The following KCNH7 variants were observed in gnomAD, a reference collection of about 807,000 sequenced individuals.
KCNH7 encodes the protein voltage-gated inwardly rectifying potassium channel KCNH7.
KCNH7 carries 49 observed loss-of-function variants against 120.8 expected under a neutral mutation model. The observed-to-expected ratio is 0.41, with a 90% CI of 0.32 to 0.51. KCNH7 has a LOEUF of 0.51. Ranked by LOEUF, KCNH7 falls within the 20% of genes least tolerant of loss-of-function variation. The pLI, the probability that KCNH7 is intolerant of heterozygous loss-of-function variation, is 0.38. For missense variants in KCNH7, 1,097 were observed against 1,446.6 expected, an observed-to-expected ratio of 0.76 and a Z score of 3.92; for synonymous variants, 547 against 516.1, an observed-to-expected ratio of 1.06 and a Z score of -0.81.
At chr2:162,819,603 A>T (rs1685033408) in intron 2 of KCNH7, among the ~76,000 whole-genome samples, 1 of 152,208 alleles carries the variant, frequency 6.6e-6, no homozygotes, top group Non-Finnish European at 1.5e-5. Flanking sequence ...GTAATTTAGG[A>T]AGAACCATGC....
intron 2 of KCNH7, among the ~76,000 whole-genome samples, chr2:162,740,940 G>T (rs1447796844): frequency 6.6e-6 from 1 of 152,098 alleles, no homozygotes; most frequent in Non-Finnish European, 1.5e-5. Flanking sequence ...CTCTATGTGG[G>T]TTTGTTGTCA....
chr2:162,472,068 A>C (rs1689558355), intron 6 of KCNH7, among the ~76,000 whole-genome samples: 1 of 152,184 alleles, frequency 6.6e-6, no homozygotes, highest in Non-Finnish European at 1.5e-5. Context: ...CCTTCCTTAC[A>C]CCTTATACAA....
At chr2:162,596,151 C>T (rs1694372125) in intron 2 of KCNH7, among the ~76,000 whole-genome samples, 1 of 151,928 alleles carries the variant, frequency 6.6e-6, no homozygotes, top group African/African-American at 2.4e-5. Flanking sequence ...TCTATAGATT[C>T]AATGCAACCC....
chr2:162,725,423 A>C (rs1451951641), intron 2 of KCNH7, among the ~76,000 whole-genome samples: 1 of 152,156 alleles, frequency 6.6e-6, no homozygotes, highest in Non-Finnish European at 1.5e-5. Context: ...AATTATAACC[A>C]AAAATCTTTA....
Position 162,525,507 on chromosome 2 carries a change from G to A in KCNH7, c.464-7349C>T, listed in dbSNP as rs575879934. On this transcript the variant is annotated intron_variant, in intron 3 of 15. Transcript: ENST00000332142. ...TTAGGGTTAAAATCTCTCAGTGAGA[G>A]GGGATTGGGAATGAAAGCAAACACA... is the stretch of plus-strand genomic sequence containing the variant. Among the ~76,000 whole-genome samples, 6 of 152,052 alleles carry A rather than the reference G, an allele frequency of 3.9e-5. No homozygotes were observed. In the East Asian group the frequency reaches 1.2e-3, roughly 30 times the overall value.
rs993342419 is a variant in KCNH7, at chr2:162,435,093, C to A, written c.1954+105G>T. 5 of 1,088,140 alleles carry A rather than the reference C, an allele frequency of 4.6e-6. No individual in the cohort carries two copies. In the African/African-American group the frequency reaches 8.0e-5, roughly 18 times the overall value. The allele number at this position is 1,088,140 out of a possible 1,614,324, so 67.4% of individuals were successfully genotyped here. A position where few individuals can be genotyped will look rare whatever the true frequency, so the allele number is the denominator to read the frequency against. ...CATATATGTAATCCCATTATCTCCT[C>A]AATTTTCTGTAATCTTTTTCTTTGC... On this transcript the variant is annotated intron_variant, in intron 8 of 15. Coordinates refer to ENST00000332142, the MANE Select transcript of KCNH7 (RefSeq NM_033272.4).
intron 2 of KCNH7, among the ~76,000 whole-genome samples, chr2:162,722,693 CCTTT>C (rs1449874773): frequency 4.6e-5 from 7 of 151,654 alleles, no homozygotes; most frequent in East Asian, 3.9e-4. Context: ...AGTTTTTGGC[CCTTT>C]CTTTCGCTTA....
At chr2:162,385,397 C>T (rs1362894647) in intron 12 of KCNH7, among the ~76,000 whole-genome samples, 2 of 151,916 alleles carry the variant, frequency 1.3e-5, no homozygotes, top group African/African-American at 2.4e-5. Flanking sequence ...TTGGAAGCCT[C>T]CTTGTAGTAA....
At chr2:162,460,212 T>C (rs1328784966) in intron 6 of KCNH7, among the ~76,000 whole-genome samples, 1 of 150,236 alleles carries the variant, frequency 6.7e-6, no homozygotes, top group African/African-American at 2.5e-5. Flanking sequence ...CAAAGGGAAA[T>C]GGGAGGAATG....
chr2:162,779,497 C>T (rs911914207), intron 2 of KCNH7, among the ~76,000 whole-genome samples: 1 of 152,146 alleles, frequency 6.6e-6, no homozygotes, highest in African/African-American at 2.4e-5. Flanking sequence ...CCATGTCCAG[C>T]CCTTAAAAAT....
At chr2:162,468,986 G>C (rs1689402449) in intron 6 of KCNH7, among the ~76,000 whole-genome samples, 1 of 152,022 alleles carries the variant, frequency 6.6e-6, no homozygotes, top group South Asian at 2.1e-4. Flanking sequence ...AAGTAGCTAG[G>C]ACTACAGGTG....
At chr2:162,437,575 A>T (rs1027629623) in intron 7 of KCNH7, among the ~76,000 whole-genome samples, 2 of 152,144 alleles carry the variant, frequency 1.3e-5, no homozygotes, top group Non-Finnish European at 2.9e-5. Flanking sequence ...CTGCCTCCAT[A>T]GAATGTCCCC....
chr2:162,595,409 G>T (rs1490092615), intron 2 of KCNH7, among the ~76,000 whole-genome samples: 1 of 151,572 alleles, frequency 6.6e-6, no homozygotes, highest in African/African-American at 2.4e-5. Context: ...ATTTCAGGTG[G>T]GAACACAGCC....
chr2:162,528,505 G>A (rs1691792997), intron 3 of KCNH7: 2 of 151,912 alleles, frequency 1.3e-5, no homozygotes, highest in Admixed American at 1.3e-4. Flanking sequence ...TTTAGTAGAG[G>A]GGACACCACA....
At chr2:162,686,116 C>T (rs7606217) in intron 2 of KCNH7, among the ~76,000 whole-genome samples, 8,625 of 152,014 alleles carry the variant, frequency 0.057, 783 homozygotes, top group African/African-American at 0.19. Context: ...GGGGCAATGG[C>T]ATTACCATCT....
chr2:162,607,641 C>T (rs1171896258), intron 2 of KCNH7, among the ~76,000 whole-genome samples: 1 of 151,892 alleles, frequency 6.6e-6, no homozygotes, highest in African/African-American at 2.4e-5. Flanking sequence ...TCATTTGTAT[C>T]ACAGAGAAAT....
chr2:162,482,889 G>A (rs1689976520), intron 6 of KCNH7, among the ~76,000 whole-genome samples: 3 of 152,128 alleles, frequency 2.0e-5, no homozygotes, highest in Admixed American at 2.0e-4. Flanking sequence ...TAAACTGAAT[G>A]TCATCTGTCA....
chr2:162,620,534 A>G (rs1683316805), intron 2 of KCNH7, among the ~76,000 whole-genome samples: 1 of 152,108 alleles, frequency 6.6e-6, no homozygotes, highest in South Asian at 2.1e-4. Flanking sequence ...TCTTCTTCCA[A>G]CATTTCATCC....
Position 162,373,492 on chromosome 2 carries a change from C to A in KCNH7, c.3302G>T (p.Arg1101Leu). Reference sequence around the variant, plus strand: ...TACTTGTGAGGAAGGGCTGAAACTTCGGTCAGTTTTGATGGATGCTTCCGG... The same window carrying A: ...TACTTGTGAGGAAGGGCTGAAACTTAGGTCAGTTTTGATGGATGCTTCCGG... Reference protein sequence around the residue: ...SQPEASIKTDRSFSPSSQCPE... With the variant: ...SQPEASIKTDLSFSPSSQCPE... Residue 1101 changes from arginine to leucine, a missense_variant, in exon 15 of 16, where the codon CGA becomes CTA. Arg to Leu is a moderately radical substitution (Grantham distance 102). Transcript: ENST00000332142. The A allele has an allele frequency of 1.3e-6, 2 of 1,551,490 alleles. No homozygotes were observed. Among genetic ancestry groups the A allele is most frequent in the Non-Finnish European group, 1.7e-6 (2 of 1,148,248 alleles).
Sources: gnomAD v4.1 joint callset for allele counts (sites outside exome capture counted in the v4.1 genomes callset) on GRCh38, gnomAD v4.1.1 for gene constraint, MANE v1.5 for transcripts, NCBI Gene and HGNC (gene_info 2026-07-23, HGNC 2026-07-21) for gene names.